PAQR5: variants seen among roughly 807,000 people sequenced by gnomAD.
PAQR5 encodes membrane progestin receptor gamma.
Under a neutral mutation model 34.5 loss-of-function variants are expected in PAQR5, and 20 were observed. The observed-to-expected ratio is 0.58, with a 90% CI of 0.41 to 0.84. The LOEUF is 0.84. Ranked by LOEUF, PAQR5 falls within the 40% of genes least tolerant of loss-of-function variation. The pLI, the probability that PAQR5 is intolerant of heterozygous loss-of-function variation, is 0.00. For missense variants in PAQR5, 378 were observed against 412.7 expected (o/e 0.92, Z 0.73); for synonymous variants, 131 against 155.6 (o/e 0.84, Z 1.18).
intron 3 of PAQR5, among the ~76,000 whole-genome samples, chr15:69,378,993 C>G (rs1229380410): frequency 1.3e-5 from 2 of 152,190 alleles, no homozygotes; most frequent in Non-Finnish European, 2.9e-5. Context: ...AAGGGGAAAA[C>G]AGGTCTCCTG....
intron 1 of PAQR5, among the ~76,000 whole-genome samples, chr15:69,300,649 CTTTTCTTTCTTTCTTTCA>C (rs2053533808): frequency 5.8e-5 from 1 of 17,302 alleles, no homozygotes; most frequent in African/African-American, 1.4e-4. Context: ...TTCTTTCTTT[CTTTTCTTTCTTTCTTTCA>C]TTCTTTCTCT....
At chr15:69,375,464 C>A (rs984802124) in intron 3 of PAQR5, among the ~76,000 whole-genome samples, 3 of 152,126 alleles carry the variant, frequency 2.0e-5, no homozygotes, top group Non-Finnish European at 2.9e-5. Context: ...AGTTGCCTCC[C>A]AGATTTAGTT....
chr15:69,388,423 G>A (rs532437986), intron 5 of PAQR5, among the ~76,000 whole-genome samples: 8 of 152,296 alleles, frequency 5.3e-5, no homozygotes, highest in Admixed American at 2.6e-4. Flanking sequence ...CACCCATCCC[G>A]AAAGCCTGCC....
chr15:69,303,824 C>T, intron 1 of PAQR5, among the ~76,000 whole-genome samples: 1 of 152,326 alleles, frequency 6.6e-6, no homozygotes, highest in Middle Eastern at 3.4e-3. Context: ...GCACGCCCCC[C>T]ACAGAGGAGC....
At chr15:69,344,725 CTG>C (rs989100747) in intron 2 of PAQR5, among the ~76,000 whole-genome samples, 6 of 152,296 alleles carry the variant, frequency 3.9e-5, no homozygotes, top group African/African-American at 1.4e-4. Flanking sequence ...TTCAAGTAAA[CTG>C]TGTGAGGTGA....
Position 69,405,108 on chromosome 15 carries a change from TC to T in PAQR5, c.*1287del. On this transcript the variant is annotated 3_prime_UTR_variant, in exon 9 of 9. Coordinates refer to ENST00000395407, the MANE Select transcript of PAQR5 (RefSeq NM_017705.4). The stretch of plus-strand genomic sequence containing the variant: ...TAGTTCTAAAACACTGAGCATTTTC[TC>T]ATTTGTTGCATTACTGATTAAAGTT... The T allele has an allele frequency of 2.5e-6, 1 of 398,164 alleles. No individual in the cohort carries two copies. Among genetic ancestry groups the T allele is most frequent in the East Asian group, 3.6e-5 (1 of 28,058 alleles). The allele number at this position is 398,164 out of a possible 1,614,324, so 24.7% of individuals were successfully genotyped here.
intron 1 of PAQR5, among the ~76,000 whole-genome samples, chr15:69,322,526 G>A (rs937376646): frequency 2.7e-5 from 4 of 146,080 alleles, no homozygotes; most frequent in South Asian, 2.2e-4. Context: ...TGGCGTGTGC[G>A]TGTGGTCCAA....
intron 3 of PAQR5, among the ~76,000 whole-genome samples, chr15:69,373,171 T>C (rs1247925691): frequency 6.6e-6 from 1 of 152,170 alleles, no homozygotes; most frequent in Non-Finnish European, 1.5e-5. Context: ...TAAGGACCTT[T>C]TGATTATACT....
intron 2 of PAQR5, among the ~76,000 whole-genome samples, chr15:69,345,839 G>A (rs1567011548): frequency 1.3e-5 from 2 of 152,168 alleles, no homozygotes; most frequent in Admixed American, 6.5e-5. Flanking sequence ...AAGCTGAGGC[G>A]AGAAGGTTGC....
intron 8 of PAQR5, among the ~76,000 whole-genome samples, chr15:69,403,031 T>C (rs1400116279): frequency 6.6e-6 from 1 of 152,226 alleles, no homozygotes; most frequent in Non-Finnish European, 1.5e-5. Flanking sequence ...GTCCACTTGG[T>C]TAGTGGCCAA....
At chr15:69,387,076 C>T (rs1417429696) in intron 5 of PAQR5, among the ~76,000 whole-genome samples, 1 of 152,174 alleles carries the variant, frequency 6.6e-6, no homozygotes, top group Non-Finnish European at 1.5e-5. Flanking sequence ...GCCCCGGCCT[C>T]TCACTTGCAC....
rs1027735397 is a variant in PAQR5, at chr15:69,405,044, C to T, written c.*1222C>T. 6 of 398,472 alleles carry T rather than the reference C, an allele frequency of 1.5e-5. No individual in the cohort carries two copies. Among genetic ancestry groups the T allele is most frequent in the South Asian group, 1.3e-4 (1 of 7,862 alleles). 24.7% of individuals were successfully genotyped at this position (398,472 alleles called of 1,614,324 possible). A position where few individuals can be genotyped will look rare whatever the true frequency, so the allele number is the denominator to read the frequency against. On this transcript the variant is annotated 3_prime_UTR_variant, in exon 9 of 9. Coordinates refer to ENST00000395407, the MANE Select transcript of PAQR5 (RefSeq NM_017705.4). Reference sequence around the variant, plus strand: ...AGTTTTAGCAACTCACCAACTAAGGCGTAACCTCATTTTATGTTCCAGCGT... The same window carrying T: ...AGTTTTAGCAACTCACCAACTAAGGTGTAACCTCATTTTATGTTCCAGCGT...
intron 1 of PAQR5, among the ~76,000 whole-genome samples, chr15:69,336,042 A>AG (rs947195944): frequency 1.2e-4 from 18 of 152,128 alleles, no homozygotes; most frequent in African/African-American, 4.3e-4. Context: ...AAAAAGGAGG[A>AG]GAGAGAGAAA....
chr15:69,371,949 A>G (rs28648559), intron 3 of PAQR5, among the ~76,000 whole-genome samples: 4,490 of 152,298 alleles, frequency 0.029, 99 homozygotes, highest in Non-Finnish European at 0.046. Context: ...TCTTACCTAA[A>G]TCAAATCTAA....
chr15:69,327,853 CCCAGGGCCCTCA>C (rs2054289087), intron 1 of PAQR5, among the ~76,000 whole-genome samples: 1 of 152,110 alleles, frequency 6.6e-6, no homozygotes, highest in South Asian at 2.1e-4. Flanking sequence ...ATCTCAGACT[CCCAGGGCCCTCA>C]CCTACCAGAG....
At chr15:69,323,173 T>C (rs1301522626) in intron 1 of PAQR5, among the ~76,000 whole-genome samples, 3 of 152,238 alleles carry the variant, frequency 2.0e-5, no homozygotes, top group Non-Finnish European at 2.9e-5. Flanking sequence ...AAGCCCTTCC[T>C]GGAGCCCTCT....
chr15:69,406,559 G>GA lies in PAQR5; in HGVS notation c.*2740dup. 1 of 152,256 alleles carries GA rather than the reference G, an allele frequency of 6.6e-6. No homozygotes were observed. Among genetic ancestry groups the GA allele is most frequent in the Non-Finnish European group, 1.5e-5 (1 of 68,074 alleles). The allele number at this position is 152,256 out of a possible 1,614,324, so 9.4% of individuals were successfully genotyped here. On this transcript the variant is annotated 3_prime_UTR_variant, in exon 9 of 9. Transcript: ENST00000395407. ...TGCACTTGACTAGTCTTAAAACAAA[G>GA]AAAGAACGAATGAATGAATGAATCT...
intron 1 of PAQR5, among the ~76,000 whole-genome samples, chr15:69,325,424 A>T (rs2054226881): frequency 6.6e-6 from 1 of 152,150 alleles, no homozygotes; most frequent in Admixed American, 6.5e-5. Flanking sequence ...AGTCTGCAAT[A>T]ACCACTGCTT....
chr15:69,387,842 G>A (rs2140950832), intron 5 of PAQR5, among the ~76,000 whole-genome samples: 1 of 152,244 alleles, frequency 6.6e-6, no homozygotes, highest in East Asian at 1.9e-4. Context: ...CTTCCCTGCA[G>A]GCTGCACCAC....
Sources: gnomAD v4.1 joint callset for allele counts (sites outside exome capture counted in the v4.1 genomes callset) on GRCh38, gnomAD v4.1.1 for gene constraint, MANE v1.5 for transcripts, NCBI Gene and HGNC (gene_info 2026-07-23, HGNC 2026-07-21) for gene names.